The following KCNH2 variants were observed in gnomAD, a reference collection of about 807,000 sequenced individuals.
The protein encoded by KCNH2 is potassium voltage-gated channel subfamily H member 2, also known as voltage-gated inwardly rectifying potassium channel KCNH2.
A neutral mutation model predicts 95.9 loss-of-function variants in KCNH2; 35 were observed. The observed-to-expected ratio is 0.37, with a 90% confidence interval of 0.28 to 0.48. KCNH2 has a LOEUF of 0.48. KCNH2 is among the 20% of genes least tolerant of loss of function. The pLI is 0.99. For synonymous variants in KCNH2, 786 were observed against 754.7 expected, an observed-to-expected ratio of 1.04 and a Z score of -0.68; for missense variants, 1,274 against 1,702.9, an observed-to-expected ratio of 0.75 and a Z score of 4.43.
chr7:150,950,463 AC>A lies in KCNH2; in HGVS notation c.2146-44del, dbSNP rs750134750. On this transcript the variant is annotated intron_variant, in intron 8 of 14. Coordinates refer to ENST00000262186, the MANE Select transcript of KCNH2 (RefSeq NM_000238.4). ...GCAGCTCAGCACACCCTCCCTTGGG[AC>A]CCCCCAACCCACACTCTACTCCACC... 5.0e-6 allele frequency: 8 copies of A among 1,599,012 alleles called. No individual in the cohort carries two copies. The Admixed American group carries it at 1.2e-4, about 24-fold the overall frequency.
At chr7:150,955,979 C>T (rs1255851351) in intron 5 of KCNH2, 4 of 372,428 alleles carry the variant, frequency 1.1e-5, no homozygotes, top group East Asian at 3.2e-4. Flanking sequence ...CGCCAGCAGC[C>T]GGGCCTGTCA....
chr7:150,971,764 G>A (rs1801845531), intron 2 of KCNH2, among the ~76,000 whole-genome samples: 1 of 151,952 alleles, frequency 6.6e-6, no homozygotes, highest in Admixed American at 6.6e-5. Flanking sequence ...GAGCCGAGAA[G>A]GTGGGCACAG....
At chr7:150,951,273 A>C (rs904695533) in intron 7 of KCNH2, 153 bp from the exon 8 acceptor site, 1 of 1,007,672 alleles carries the variant, frequency 9.9e-7, no homozygotes, top group Non-Finnish European at 1.5e-6. Context: ...AGCACACCCC[A>C]CCCTTCAGTA....
In KCNH2 at chr7:150,948,489, G is replaced by C. The variant is rs201765446; in HGVS notation, c.2647C>G (p.Arg883Gly). 3.2e-6 allele frequency: 5 copies of C among 1,539,448 alleles called. No homozygotes were observed. In the South Asian group the frequency reaches 3.3e-5, roughly 10 times the overall value. Reference protein sequence around the residue: ...GSTELEGGFSRQRKRKLSFRR... With the variant: ...GSTELEGGFSGQRKRKLSFRR... Reference sequence around the variant, plus strand: ...AAGGACAACTTGCGCTTGCGTTGCCGACTGAAGCCACCCTCTAACTCCGTA... The same window carrying C: ...AAGGACAACTTGCGCTTGCGTTGCCCACTGAAGCCACCCTCTAACTCCGTA... The change falls in exon 11 of 15, where the codon CGG (arginine) becomes GGG (glycine). Residue 883 changes from arginine to glycine, a missense_variant. By Grantham distance (125) the Arg-to-Gly change is moderately radical. Coordinates refer to ENST00000262186, the MANE Select transcript of KCNH2 (RefSeq NM_000238.4).
chr7:150,955,624 C>A, intron 5 of KCNH2: 1 of 1,429,866 alleles, frequency 7.0e-7, no homozygotes, highest in South Asian at 1.5e-5. Context: ...CGACTGGCAA[C>A]CAGAGCAGCC....
In KCNH2 at chr7:150,955,408, G is replaced by C. The variant is rs199698029; in HGVS notation, c.1128+1883C>G. The C allele has an allele frequency of 3.2e-6, 5 of 1,561,100 alleles. No individual in the cohort carries two copies. In the Admixed American group the frequency reaches 7.5e-5, roughly 24 times the overall value. ...GGGTGTCACCTACCTCCTGGGCCACGAGGCTGGAGATGCGCACGGCCCGCC... is the reference window on the plus strand; with the variant it reads ...GGGTGTCACCTACCTCCTGGGCCACCAGGCTGGAGATGCGCACGGCCCGCC... On this transcript the variant is annotated intron_variant, in intron 5 of 14. Transcript: ENST00000262186.
chr7:150,976,733 C>CA (rs1801988428), intron 1 of KCNH2, among the ~76,000 whole-genome samples: 4 of 151,124 alleles, frequency 2.6e-5, no homozygotes, highest in African/African-American at 9.8e-5. Flanking sequence ...ATCCAGCACC[C>CA]CCCCCCACAT....
In KCNH2 at chr7:150,952,999, C is replaced by T; in HGVS notation, c.1129-146G>A. 1.3e-6 allele frequency: 1 copy of T among 780,308 alleles called. No individual in the cohort carries two copies. The highest frequency in any genetic ancestry group is 2.1e-6 in the Non-Finnish European group (1 of 486,228). 48.3% of individuals were successfully genotyped at this position (780,308 alleles called of 1,614,324 possible). A position where few individuals can be genotyped will look rare whatever the true frequency, so the allele number is the denominator to read the frequency against. On this transcript the variant is annotated intron_variant, in intron 5 of 14. Transcript: ENST00000262186. The surrounding 1 kb of genome is among the most constrained non-coding windows in gnomAD (Gnocchi z 7.3). The stretch of plus-strand genomic sequence containing the variant: ...GAATGCCCACCCCTCAGCCAAGCGA[C>T]CACAGCAAATGGCCACCCCCAGGTT...
At position 150,958,220 on chromosome 7, in the gene KCNH2, C is replaced by T. The variant is rs730880117; in HGVS notation, c.755G>A (p.Arg252Gln). 1.8e-5 allele frequency: 24 copies of T among 1,371,402 alleles called. No homozygotes were observed. The highest frequency in any genetic ancestry group is 3.3e-5 in the Admixed American group (1 of 30,706). 85.0% of individuals were successfully genotyped at this position (1,371,402 alleles called of 1,614,324 possible). A position where few individuals can be genotyped will look rare whatever the true frequency, so the allele number is the denominator to read the frequency against. Residue 252 changes from arginine (R) to glutamine (Q), a missense_variant, in exon 4 of 15, where the codon CGG becomes CAG. By Grantham distance (43) the Arg-to-Gln change is conservative (BLOSUM62 1). Transcript: ENST00000262186. ...RSAPGQLPSP[R>Q]AHSLNPDASG... ...GGCGTCGGGGTTGAGGCTGTGCGCC[C>T]GGGGCGATGGGAGCTGGCCGGGCGC... is the stretch of plus-strand genomic sequence containing the variant.
Position 150,962,529 on chromosome 7 carries a change from C to T in KCNH2, c.308-2793G>A, listed in dbSNP as rs2117022606. 6.6e-6 allele frequency among the ~76,000 whole-genome samples: 1 copy of T among 152,154 alleles called. No homozygotes were observed. Among genetic ancestry groups the T allele is most frequent in the Non-Finnish European group, 1.5e-5 (1 of 68,016 alleles). ...CTGAAGCCCACCCAGTCCAGGACCCCACATCTCAAAATCCCCTGCCAGGGT... is the reference window on the plus strand; with the variant it reads ...CTGAAGCCCACCCAGTCCAGGACCCTACATCTCAAAATCCCCTGCCAGGGT... On this transcript the variant is annotated intron_variant, in intron 2 of 14. Coordinates refer to ENST00000262186, the MANE Select transcript of KCNH2 (RefSeq NM_000238.4). This position sits in a 1 kb window ranked among gnomAD's most constrained non-coding sequence, Gnocchi z 5.7.
intron 7 of KCNH2, 141 bp downstream of exon 7, chr7:150,951,307 C>T (rs1801147368): frequency 2.5e-6 from 3 of 1,213,364 alleles, no homozygotes; most frequent in Non-Finnish European, 3.6e-6. Flanking sequence ...TGACCCAGCC[C>T]CCAAACCATG....
In KCNH2 at chr7:150,948,309, G is replaced by A. The variant is rs1584846355; in HGVS notation, c.2692+135C>T. 10 of 741,858 alleles carry A rather than the reference G, an allele frequency of 1.3e-5. No individual in the cohort carries two copies. In the South Asian group the frequency reaches 1.6e-4, roughly 12 times the overall value. 46.0% of individuals were successfully genotyped at this position (741,858 alleles called of 1,614,324 possible). On this transcript the variant is annotated intron_variant, in intron 11 of 14. Transcript: ENST00000262186. ...GATGGGCAGCATCTGGACAGCTGGG[G>A]TGTGGAGTGGGCACACTGGAGGAAG...
At chr7:150,951,375 C>T (rs1801150430) in intron 7 of KCNH2, 73 bp downstream of exon 7, 18 of 1,585,008 alleles carry the variant, frequency 1.1e-5, no homozygotes, top group Non-Finnish European at 1.6e-5. Flanking sequence ...GCCCGGCTAG[C>T]AGCCTCAGTT....
intron 2 of KCNH2, among the ~76,000 whole-genome samples, chr7:150,968,061 T>C (rs963868671): frequency 6.6e-6 from 1 of 152,204 alleles, no homozygotes; most frequent in African/African-American, 2.4e-5. Flanking sequence ...ATCAAAGGAA[T>C]GCAAATTAAA....
At chr7:150,958,557 G>A (rs1801467990) in intron 3 of KCNH2, 55 bp from the exon 4 acceptor site, 3 of 1,413,230 alleles carry the variant, frequency 2.1e-6, no homozygotes, top group Admixed American at 5.5e-5. Flanking sequence ...CCCGGAGCGG[G>A]CAAGGCCTGG....
At chr7:150,973,639 C>T (rs55642626) in intron 2 of KCNH2, among the ~76,000 whole-genome samples, 2,804 of 152,322 alleles carry the variant, frequency 0.018, 59 homozygotes, top group Non-Finnish European at 0.026. Flanking sequence ...AGACTGTGCA[C>T]GCCTGCAAAA....
At chr7:150,976,763 G>A (rs1218932359) in intron 1 of KCNH2, among the ~76,000 whole-genome samples, 1 of 138,112 alleles carries the variant, frequency 7.2e-6, no homozygotes, top group Non-Finnish European at 1.5e-5. Flanking sequence ...CCTCCTCGTA[G>A]GCCCGCCCAC....
At position 150,950,611 on chromosome 7, in the gene KCNH2, G is replaced by A. The variant is rs116068966; in HGVS notation, c.2146-191C>T. On this transcript the variant is annotated intron_variant, in intron 8 of 14. Transcript: ENST00000262186. ...CACTCCAGCTTCACCATGCCTGGCC[G>A]AGCACCCTTGGGCTCTAGACCTCCA... 0.012 allele frequency among the ~76,000 whole-genome samples: 1,813 copies of A among 152,254 alleles called. 38 individuals are homozygous for A. The highest frequency in any genetic ancestry group is 0.041 in the African/African-American group (1,712 of 41,536).
At chr7:150,948,586 G>A in intron 10 of KCNH2, 43 bp from the exon 11 acceptor site, 1 of 1,542,666 alleles carries the variant, frequency 6.5e-7, no homozygotes, top group Non-Finnish European at 9.0e-7. Context: ...GTGCTCTCCT[G>A]CCCCACCGGG....
Sources: allele counts gnomAD v4.1 joint callset (sites outside exome capture counted in the v4.1 genomes callset), GRCh38; gene constraint gnomAD v4.1.1; non-coding constraint Gnocchi (gnomAD v3.1); transcripts MANE v1.5; gene names NCBI Gene and HGNC (gene_info 2026-07-23, HGNC 2026-07-21).